Variants in HS3ST3A1 observed in about 807,000 individuals in gnomAD.
HS3ST3A1 encodes heparan sulfate-glucosamine 3-sulfotransferase 3A1, also known as heparan sulfate glucosamine 3-O-sulfotransferase 3A1.
A neutral mutation model predicts 25.7 loss-of-function variants in HS3ST3A1; 19 were observed. The observed-to-expected ratio is 0.74, with a 90% CI of 0.52 to 1.08. The LOEUF (loss-of-function observed/expected upper bound fraction) is 1.08, where lower values mean the gene tolerates loss of function less well. Among genes scored for constraint, HS3ST3A1 ranks in the 50% least tolerant of loss-of-function variants. HS3ST3A1 has a pLI of 0.00. For missense variants in HS3ST3A1, 459 were observed against 594.3 expected (o/e 0.77, Z 2.37); for synonymous variants, 226 against 278.6 (o/e 0.81, Z 1.88).
chr17:13,562,339 GGACA>G (rs1240105013), intron 1 of HS3ST3A1, among the ~76,000 whole-genome samples: 2 of 152,186 alleles, frequency 1.3e-5, no homozygotes, highest in Admixed American at 6.5e-5. Flanking sequence ...TGTGTGCCGT[GGACA>G]GACAGACAGC....
chr17:13,511,688 G>A (rs1436762901), intron 1 of HS3ST3A1, among the ~76,000 whole-genome samples: 1 of 151,042 alleles, frequency 6.6e-6, no homozygotes, highest in African/African-American at 2.4e-5. Context: ...GCATGGTACT[G>A]ATTCTTTCTA....
intron 1 of HS3ST3A1, among the ~76,000 whole-genome samples, chr17:13,564,020 A>G (rs966438946): frequency 3.9e-5 from 6 of 152,220 alleles, no homozygotes; most frequent in Non-Finnish European, 8.8e-5. Flanking sequence ...CGTCTTGTGG[A>G]CCACAAAGCT....
intron 1 of HS3ST3A1, among the ~76,000 whole-genome samples, chr17:13,572,539 C>G (rs1266896829): frequency 1.3e-5 from 2 of 152,168 alleles, no homozygotes; most frequent in African/African-American, 4.8e-5. Flanking sequence ...GCGAGAGCTG[C>G]TACAGGGATT....
At chr17:13,569,570 C>A (rs1907753452) in intron 1 of HS3ST3A1, among the ~76,000 whole-genome samples, 1 of 152,186 alleles carries the variant, frequency 6.6e-6, no homozygotes, top group Non-Finnish European at 1.5e-5. Flanking sequence ...CTGCATGAAT[C>A]AGGTGATTCA....
Position 13,600,733 on chromosome 17 carries a change from C to A in HS3ST3A1, c.397G>T (p.Val133Leu). The A allele has an allele frequency of 6.5e-7, 1 of 1,536,710 alleles. No individual in the cohort carries two copies. The highest frequency in any genetic ancestry group is 8.7e-7 in the Non-Finnish European group (1 of 1,148,692). Reference sequence around the variant, plus strand: ...AGGGTCCCCGGCGGGGCCTCGGCCACGGTGCTTCCGGCCCCGGAGCCGCCC... The same window carrying A: ...AGGGTCCCCGGCGGGGCCTCGGCCAAGGTGCTTCCGGCCCCGGAGCCGCCC... ...GPGGSGAGST[V>L]AEAPPGTLAL... is the part of the protein sequence containing the mutation. The change falls in exon 1 of 2, where the codon GTG (valine) becomes TTG (leucine). Residue 133 changes from valine (V) to leucine (L), a missense_variant. This residue lies in a region of HS3ST3A1 where 346 missense variants were observed against 303.9 expected (regional missense o/e 1.14). Coordinates refer to ENST00000284110, the MANE Select transcript of HS3ST3A1 (RefSeq NM_006042.3).
In HS3ST3A1 at chr17:13,503,536, G is replaced by A. The variant is rs183396208; in HGVS notation, c.600-6718C>T. ...TATATATATTGAAATATCACTCTGT[G>A]TCCCGTAAGTATGTATAATTATTAG... is the stretch of plus-strand genomic sequence containing the variant. On this transcript the variant is annotated intron_variant, in intron 1 of 1. Transcript: ENST00000284110. Among the ~76,000 whole-genome samples the A allele has an allele frequency of 3.3e-5, 5 of 152,262 alleles. No homozygotes were observed. In the East Asian group the frequency reaches 9.6e-4, roughly 29 times the overall value.
chr17:13,497,647 C>G (rs944994923), intron 1 of HS3ST3A1, among the ~76,000 whole-genome samples: 3 of 152,252 alleles, frequency 2.0e-5, no homozygotes, highest in African/African-American at 7.2e-5. Flanking sequence ...TGGCCTCAGT[C>G]AGGGCCAGTC....
chr17:13,496,011 T>C lies in HS3ST3A1; in HGVS notation c.*186A>G. 1 of 691,480 alleles carries C rather than the reference T, an allele frequency of 1.4e-6. No homozygotes were observed. The highest frequency in any genetic ancestry group is 3.7e-5 in the Admixed American group (1 of 27,022). 42.8% of individuals were successfully genotyped at this position (691,480 alleles called of 1,614,324 possible). On this transcript the variant is annotated 3_prime_UTR_variant, in exon 2 of 2. Coordinates refer to ENST00000284110, the MANE Select transcript of HS3ST3A1 (RefSeq NM_006042.3). ...TTAGACGAGTGAAATTTTCCTTTTC[T>C]GTTGATCCACGTGTTTGGTGTTGGT...
chr17:13,546,109 A>G (rs185533343), intron 1 of HS3ST3A1, among the ~76,000 whole-genome samples: 1 of 152,296 alleles, frequency 6.6e-6, no homozygotes, highest in Admixed American at 6.5e-5. Flanking sequence ...CTCTGACTTC[A>G]TAAAATTGAC....
At chr17:13,554,004 G>A (rs571333919) in intron 1 of HS3ST3A1, among the ~76,000 whole-genome samples, 39 of 152,238 alleles carry the variant, frequency 2.6e-4, no homozygotes, top group African/African-American at 9.4e-4. Flanking sequence ...AGTCTGCAAG[G>A]AAAATTAGAC....
intron 1 of HS3ST3A1, among the ~76,000 whole-genome samples, chr17:13,519,354 A>C (rs568553366): frequency 6.6e-5 from 10 of 152,226 alleles, no homozygotes; most frequent in Non-Finnish European, 1.3e-4. Flanking sequence ...ACATCAGTGA[A>C]TGAGACACTT....
chr17:13,524,329 C>T (rs1321367807), intron 1 of HS3ST3A1, among the ~76,000 whole-genome samples: 1 of 152,094 alleles, frequency 6.6e-6, no homozygotes, highest in Non-Finnish European at 1.5e-5. Flanking sequence ...ATGATCTCGG[C>T]TCACTGCAGC....
At chr17:13,594,789 C>T (rs1389475980) in intron 1 of HS3ST3A1, among the ~76,000 whole-genome samples, 2 of 151,266 alleles carry the variant, frequency 1.3e-5, no homozygotes, top group Non-Finnish European at 2.9e-5. Flanking sequence ...CAAAGTGCAG[C>T]TCATCCTTAC....
chr17:13,535,053 A>AAAT (rs1236073229), intron 1 of HS3ST3A1, among the ~76,000 whole-genome samples: 24 of 152,188 alleles, frequency 1.6e-4, no homozygotes, highest in African/African-American at 5.5e-4. Context: ...ATAAATAAAT[A>AAAT]AAATGAAACA....
chr17:13,561,060 C>G (rs758428455), intron 1 of HS3ST3A1, among the ~76,000 whole-genome samples: 3 of 152,226 alleles, frequency 2.0e-5, no homozygotes, highest in Non-Finnish European at 4.4e-5. Flanking sequence ...CTCCATTCCT[C>G]GATGGATGTT....
chr17:13,571,496 G>T (rs2067405308), intron 1 of HS3ST3A1, among the ~76,000 whole-genome samples: 1 of 152,154 alleles, frequency 6.6e-6, no homozygotes, highest in South Asian at 2.1e-4. Flanking sequence ...TTACCAACTG[G>T]CCAACCTCAC....
intron 1 of HS3ST3A1, among the ~76,000 whole-genome samples, chr17:13,529,681 C>G (rs552077882): frequency 1.3e-5 from 2 of 152,162 alleles, no homozygotes; most frequent in Non-Finnish European, 2.9e-5. Context: ...ACAAAATCCT[C>G]CTACCTTCAC....
At chr17:13,594,018 T>C (rs1357465820) in intron 1 of HS3ST3A1, among the ~76,000 whole-genome samples, 2 of 152,164 alleles carry the variant, frequency 1.3e-5, no homozygotes, top group Non-Finnish European at 2.9e-5. Flanking sequence ...GGTCTTGGCG[T>C]TGTTTTGTAT....
At chr17:13,564,212 G>C (rs187348278) in intron 1 of HS3ST3A1, among the ~76,000 whole-genome samples, 3 of 152,226 alleles carry the variant, frequency 2.0e-5, no homozygotes, top group African/African-American at 7.2e-5. Flanking sequence ...TTTACCCCTT[G>C]ATGCAGAAAA....
Sources: allele counts gnomAD v4.1 joint callset (sites outside exome capture counted in the v4.1 genomes callset), GRCh38; gene constraint gnomAD v4.1.1; regional missense constraint gnomAD v4.1.1; transcripts MANE v1.5; gene names NCBI Gene and HGNC (gene_info 2026-07-23, HGNC 2026-07-21).